SRGAP3: variants seen among roughly 807,000 people sequenced by gnomAD.
SRGAP3 encodes SLIT-ROBO Rho GTPase-activating protein 3.
In SRGAP3, 39 loss-of-function variants were observed where a neutral mutation model predicts 121.1. That is an observed-to-expected ratio of 0.32 (90% CI 0.25 to 0.42). The LOEUF is 0.42. Ranked by LOEUF, SRGAP3 falls within the 10% of genes least tolerant of loss-of-function variation. SRGAP3 has a pLI of 1.00. For synonymous variants in SRGAP3, 601 were observed against 570.0 expected, an observed-to-expected ratio of 1.05 and a Z score of -0.77; for missense variants, 1,213 against 1,470.6, an observed-to-expected ratio of 0.82 and a Z score of 2.86.
At chr3:9,133,524 T>C (rs1004633090) in intron 1 of SRGAP3, among the ~76,000 whole-genome samples, 2 of 152,158 alleles carry the variant, frequency 1.3e-5, no homozygotes, top group Non-Finnish European at 2.9e-5. Context: ...TCAGTCCAAA[T>C]CATTATATAA....
Position 9,248,473 on chromosome 3 carries a change from G to A in SRGAP3, c.67+412C>T, listed in dbSNP as rs144008878. Among the ~76,000 whole-genome samples, 367 of 152,168 alleles carry A rather than the reference G, an allele frequency of 2.4e-3. 2 individuals are homozygous for A. The highest frequency in any genetic ancestry group is 8.4e-3 in the African/African-American group (348 of 41,506). Reference sequence around the variant, plus strand: ...ACCACCAACAGAAACCAAAAAGGGGGAGGAAAAAAAGAGCAGATGGTAAAA... The same window carrying A: ...ACCACCAACAGAAACCAAAAAGGGGAAGGAAAAAAAGAGCAGATGGTAAAA... On this transcript the variant is annotated intron_variant, in intron 1 of 21. Transcript: ENST00000383836.
intron 3 of SRGAP3, among the ~76,000 whole-genome samples, chr3:9,092,830 G>C (rs1230871887): frequency 3.3e-5 from 5 of 152,092 alleles, no homozygotes; most frequent in Non-Finnish European, 7.4e-5. Context: ...GTCCCACCCT[G>C]GCTTCCAAGT....
At chr3:9,043,209 A>C (rs1310167881) in intron 10 of SRGAP3, among the ~76,000 whole-genome samples, 1 of 152,198 alleles carries the variant, frequency 6.6e-6, no homozygotes, top group Non-Finnish European at 1.5e-5. Context: ...GCTGGAAAGC[A>C]GTGGCGTGAT....
At chr3:9,015,525 G>T in intron 15 of SRGAP3, 72 bp downstream of exon 15, 1 of 1,593,128 alleles carries the variant, frequency 6.3e-7, no homozygotes. Context: ...GCCTAGCACA[G>T]CAGTAAGCCT....
intron 1 of SRGAP3, among the ~76,000 whole-genome samples, chr3:9,229,055 C>T (rs1478257528): frequency 1.7e-5 from 2 of 121,142 alleles, no homozygotes; most frequent in East Asian, 2.3e-4. Flanking sequence ...GGCGACAGAG[C>T]GAGACTCCGT....
At chr3:9,290,459 G>C (rs1328075147) in intron 3 of SRGAP3, among the ~76,000 whole-genome samples, 2 of 152,154 alleles carry the variant, frequency 1.3e-5, no homozygotes, top group Non-Finnish European at 2.9e-5. Flanking sequence ...AGCTCAGTAG[G>C]GACTAGGCAA....
chr3:9,297,994 G>A (rs1248872686), intron 3 of SRGAP3, among the ~76,000 whole-genome samples: 4 of 151,970 alleles, frequency 2.6e-5, no homozygotes, highest in East Asian at 1.9e-4. Flanking sequence ...CCACCTACAC[G>A]CCAAGGAGAT....
chr3:9,083,385 T>A (rs1386125444), intron 3 of SRGAP3, among the ~76,000 whole-genome samples: 2 of 152,254 alleles, frequency 1.3e-5, no homozygotes, highest in Admixed American at 6.5e-5. Flanking sequence ...AGGCAACTGC[T>A]ACAAAAAATT....
Position 9,047,394 on chromosome 3 carries a change from C to G in SRGAP3, c.1405G>C (p.Glu469Gln). ...GGGCCTCCACCAGCCCACTCACCTT[C>G]GCCCAGGGTCTGCTTGAGTAAATCG... ...KHDLLKQTLG[E>Q]GERAECGTTR... The change falls in exon 10 of 22, where the codon GAA becomes CAA. Residue 469 changes from glutamate (E) to glutamine (Q), a missense_variant. Glu to Gln is a conservative substitution (Grantham distance 29, BLOSUM62 2). Around this residue, in one of 2 missense-constraint regions of SRGAP3, gnomAD observed 793 missense variants for 1,032.9 expected, o/e 0.77. Coordinates refer to ENST00000383836, the MANE Select transcript of SRGAP3 (RefSeq NM_014850.4). The G allele has an allele frequency of 6.2e-7, 1 of 1,614,148 alleles. No individual in the cohort carries two copies. The highest frequency in any genetic ancestry group is 8.5e-7 in the Non-Finnish European group (1 of 1,180,022).
intron 21 of SRGAP3, among the ~76,000 whole-genome samples, chr3:8,988,796 T>C (rs1282188565): frequency 3.3e-5 from 5 of 152,158 alleles, no homozygotes; most frequent in Non-Finnish European, 5.9e-5. Context: ...CATTAGATTC[T>C]CCTCAGGAGA....
At chr3:9,342,042 A>G (rs1955796089) in intron 1 of SRGAP3, among the ~76,000 whole-genome samples, 1 of 152,108 alleles carries the variant, frequency 6.6e-6, no homozygotes, top group Admixed American at 6.5e-5. Flanking sequence ...GTTTCAATTA[A>G]AAGTCAAATA....
chr3:9,093,552 CTCATCCATCCAT>C (rs1279929953), intron 3 of SRGAP3, among the ~76,000 whole-genome samples: 3 of 151,616 alleles, frequency 2.0e-5, no homozygotes, highest in Non-Finnish European at 2.9e-5. Context: ...CACTCATCCA[CTCATCCATCCAT>C]TCATCCATCC....
Position 9,134,859 on chromosome 3 carries a change from C to T in SRGAP3, c.68-9942G>A, listed in dbSNP as rs375608420. 5.9e-5 allele frequency among the ~76,000 whole-genome samples: 9 copies of T among 152,280 alleles called. No individual in the cohort carries two copies. The East Asian group carries it at 1.7e-3, about 29-fold the overall frequency. On this transcript the variant is annotated intron_variant, in intron 1 of 21. Coordinates refer to ENST00000383836, the MANE Select transcript of SRGAP3 (RefSeq NM_014850.4). ...ATCTCAGCTTCATAGCACAATGTAG[C>T]GGGCTCTGGGTTCACCTGCCCGGTG...
intron 3 of SRGAP3, among the ~76,000 whole-genome samples, chr3:9,087,339 C>T (rs1947547694): frequency 1.3e-5 from 2 of 151,526 alleles, no homozygotes; most frequent in Admixed American, 1.3e-4. Flanking sequence ...TCAACACCCA[C>T]GAGATGCCAA....
chr3:9,222,463 A>G (rs568665117), intron 1 of SRGAP3, among the ~76,000 whole-genome samples: 6 of 152,290 alleles, frequency 3.9e-5, no homozygotes, highest in African/African-American at 1.4e-4. Flanking sequence ...AAATCCATGT[A>G]TTTCTACTAC....
intron 11 of SRGAP3, chr3:9,035,363 C>G (rs1424508796): frequency 1.2e-5 from 2 of 167,894 alleles, no homozygotes; most frequent in East Asian, 2.4e-4. Context: ...ATTTTTCCTG[C>G]CCAATCCAGA....
chr3:9,083,624 A>C (rs540734061), intron 3 of SRGAP3, among the ~76,000 whole-genome samples: 1 of 152,298 alleles, frequency 6.6e-6, no homozygotes, highest in African/African-American at 2.4e-5. Context: ...CCAGCTCCTT[A>C]GGGATGGATA....
chr3:9,302,009 A>G (rs1017835009), intron 3 of SRGAP3, among the ~76,000 whole-genome samples: 12 of 152,320 alleles, frequency 7.9e-5, no homozygotes, highest in Admixed American at 5.9e-4. Context: ...CTATCCAGGT[A>G]GGGTGCTGGT....
At chr3:9,290,276 T>C (rs928604524) in intron 3 of SRGAP3, among the ~76,000 whole-genome samples, 1 of 152,242 alleles carries the variant, frequency 6.6e-6, no homozygotes, top group Admixed American at 6.5e-5. Flanking sequence ...CCAGAATTTT[T>C]AGTTGTTTAC....
Sources: allele counts gnomAD v4.1 joint callset (sites outside exome capture counted in the v4.1 genomes callset), GRCh38; gene constraint gnomAD v4.1.1; regional missense constraint gnomAD v4.1.1; transcripts MANE v1.5; gene names NCBI Gene and HGNC (gene_info 2026-07-23, HGNC 2026-07-21).